MYLK: variants seen among roughly 807,000 people sequenced by gnomAD.
The protein encoded by MYLK is myosin light chain kinase, smooth muscle.
A neutral mutation model predicts 203.4 loss-of-function variants in MYLK; 106 were observed. The observed-to-expected ratio is 0.52, with a 90% CI of 0.45 to 0.61. MYLK has a LOEUF of 0.61. Among genes scored for constraint, MYLK ranks in the 20% least tolerant of loss-of-function variants. The pLI is 0.00. For synonymous variants in MYLK, 867 were observed against 959.5 expected (o/e 0.90, Z 1.78); for missense variants, 2,072 against 2,442.3 (o/e 0.85, Z 3.20).
intron 2 of MYLK, among the ~76,000 whole-genome samples, chr3:123,864,886 A>G (rs938238570): frequency 4.6e-5 from 7 of 152,200 alleles, no homozygotes; most frequent in Non-Finnish European, 8.8e-5. Flanking sequence ...CTCCATCTCT[A>G]CATATATGTG....
At chr3:123,843,032 T>A (rs1455079890) in intron 2 of MYLK, among the ~76,000 whole-genome samples, 1 of 152,156 alleles carries the variant, frequency 6.6e-6, no homozygotes, top group African/African-American at 2.4e-5. Flanking sequence ...GCTTAAGGTA[T>A]GATCTTCGGA....
At chr3:123,789,659 CAAAA>C (rs745766578) in intron 4 of MYLK, among the ~76,000 whole-genome samples, 146 of 78,692 alleles carry the variant, frequency 1.9e-3, no homozygotes, top group African/African-American at 6.2e-3. Context: ...GCTGGCAAAG[CAAAA>C]AAAAAAAAAA....
chr3:123,752,821 A>G (rs1369779866), intron 4 of MYLK, among the ~76,000 whole-genome samples: 1 of 152,132 alleles, frequency 6.6e-6, no homozygotes, highest in Non-Finnish European at 1.5e-5. Flanking sequence ...GGGGAGCTTT[A>G]AAAAAACACT....
At chr3:123,676,998 A>C (rs1265878749) in intron 20 of MYLK, among the ~76,000 whole-genome samples, 1 of 152,208 alleles carries the variant, frequency 6.6e-6, no homozygotes, top group Non-Finnish European at 1.5e-5. Flanking sequence ...TTACACAGCC[A>C]GCATGCTTGT....
chr3:123,818,504 A>G (rs1402369950), intron 3 of MYLK, among the ~76,000 whole-genome samples: 2 of 152,154 alleles, frequency 1.3e-5, no homozygotes. Context: ...AGCCTGGACA[A>G]CACGGCAAAC....
intron 4 of MYLK, 39 bp downstream of exon 4, chr3:123,793,638 T>A (rs755647737): frequency 2.5e-6 from 4 of 1,612,222 alleles, no homozygotes; most frequent in African/African-American, 1.3e-5. Context: ...CCCCTGCCCA[T>A]CCTTCCCCAC....
At chr3:123,709,168 CT>C (rs1435026257) in intron 14 of MYLK, 19 of 240,476 alleles carry the variant, frequency 7.9e-5, no homozygotes, top group Admixed American at 6.9e-4. Context: ...GAGACAGAGT[CT>C]TTGCTCTGTC....
At position 123,612,618 on chromosome 3, in the gene MYLK, A is replaced by C. The variant is rs2057276749; in HGVS notation, c.*1487T>G. The C allele has an allele frequency of 6.6e-6, 1 of 152,666 alleles. No individual in the cohort carries two copies. Among genetic ancestry groups the C allele is most frequent in the Non-Finnish European group, 1.5e-5 (1 of 68,050 alleles). 9.5% of individuals were successfully genotyped at this position (152,666 alleles called of 1,614,324 possible). ...ATATTGTAACTATTTTAAAAGCAAA[A>C]GGAAAAATACTGGCAGTTTGAAACT... is the stretch of plus-strand genomic sequence containing the variant. On this transcript the variant is annotated 3_prime_UTR_variant, in exon 34 of 34. Transcript: ENST00000360304.
intron 3 of MYLK, among the ~76,000 whole-genome samples, chr3:123,817,926 A>C (rs1433998393): frequency 6.6e-6 from 1 of 152,166 alleles, no homozygotes; most frequent in East Asian, 1.9e-4. Flanking sequence ...GAAGGAGTTC[A>C]GGTCACTGTT....
chr3:123,836,829 G>C (rs2682206), intron 2 of MYLK, among the ~76,000 whole-genome samples: 127,133 of 152,228 alleles, frequency 0.84, 53,259 homozygotes, highest in East Asian at 0.95. Flanking sequence ...TTGACCACTA[G>C]GTAGAACTCA....
intron 19 of MYLK, among the ~76,000 whole-genome samples, chr3:123,688,268 G>A (rs994102244): frequency 2.0e-5 from 3 of 152,074 alleles, no homozygotes; most frequent in Non-Finnish European, 1.5e-5. Flanking sequence ...ACCTGCCTAT[G>A]TGACAGGACC....
chr3:123,786,252 G>A (rs75827598), intron 4 of MYLK, among the ~76,000 whole-genome samples: 410 of 151,364 alleles, frequency 2.7e-3, no homozygotes, highest in African/African-American at 9.6e-3. Context: ...GCAGTGAACC[G>A]CGATTGTGTC....
At chr3:123,883,103 T>C (rs1437653219) in intron 1 of MYLK, among the ~76,000 whole-genome samples, 1 of 152,166 alleles carries the variant, frequency 6.6e-6, no homozygotes, top group East Asian at 1.9e-4. Context: ...AAATAATTTA[T>C]TGATAAGTGC....
intron 2 of MYLK, among the ~76,000 whole-genome samples, chr3:123,857,645 T>G (rs1487175627): frequency 4.0e-5 from 4 of 98,842 alleles, no homozygotes; most frequent in Admixed American, 1.3e-4. Context: ...TGGGGACTGT[T>G]GTGGGGTCGG....
chr3:123,736,420 C>T (rs1046808459), intron 8 of MYLK, among the ~76,000 whole-genome samples: 1 of 152,048 alleles, frequency 6.6e-6, no homozygotes, highest in African/African-American at 2.4e-5. Context: ...GGACTGAAAG[C>T]CACTTCCCTT....
intron 3 of MYLK, among the ~76,000 whole-genome samples, chr3:123,806,950 C>A (rs536604846): frequency 6.6e-6 from 1 of 151,852 alleles, no homozygotes; most frequent in South Asian, 2.1e-4. Flanking sequence ...CAGGCGTGAA[C>A]CACCGTGCCT....
intron 24 of MYLK, among the ~76,000 whole-genome samples, chr3:123,649,816 C>G (rs1292118911): frequency 6.6e-6 from 1 of 152,176 alleles, no homozygotes; most frequent in Non-Finnish European, 1.5e-5. Flanking sequence ...AAAGTGAATA[C>G]ACAACAGAGG....
chr3:123,719,329 C>T (rs1268887951), intron 13 of MYLK, among the ~76,000 whole-genome samples: 1 of 152,028 alleles, frequency 6.6e-6, no homozygotes, highest in Non-Finnish European at 1.5e-5. Flanking sequence ...GAAGCAGGCA[C>T]GAGTGTTCAT....
intron 4 of MYLK, among the ~76,000 whole-genome samples, chr3:123,772,783 C>A (rs975899877): frequency 6.6e-6 from 1 of 151,658 alleles, no homozygotes; most frequent in Non-Finnish European, 1.5e-5. Context: ...ATCAAACAAA[C>A]GTAAAATAAA....
Sources: gnomAD v4.1 joint callset for allele counts (sites outside exome capture counted in the v4.1 genomes callset) on GRCh38, gnomAD v4.1.1 for gene constraint, MANE v1.5 for transcripts, NCBI Gene and HGNC (gene_info 2026-07-23, HGNC 2026-07-21) for gene names.